REEP5: variants seen among roughly 807,000 people sequenced by gnomAD.
The protein encoded by REEP5 is receptor expression-enhancing protein 5.
REEP5 carries 24 observed loss-of-function variants against 22.4 expected under a neutral mutation model. The ratio of observed to expected loss-of-function variants is 1.07; its 90% CI spans 0.78 to 1.51. The LOEUF (loss-of-function observed/expected upper bound fraction) is 1.51, where lower values mean the gene tolerates loss of function less well. Ranked by LOEUF, REEP5 falls within the 40% of genes most tolerant of loss-of-function variation. The pLI, the probability that REEP5 is intolerant of heterozygous loss-of-function variation, is 0.00. For synonymous variants in REEP5, 103 were observed against 88.6 expected, an observed-to-expected ratio of 1.16 and a Z score of -0.92; for missense variants, 252 against 233.0, an observed-to-expected ratio of 1.08 and a Z score of -0.53.
intron 4 of REEP5, 41 bp downstream of exon 4, chr5:112,886,974 T>A: frequency 6.8e-7 from 1 of 1,461,788 alleles, no homozygotes; most frequent in East Asian, 2.3e-5. Flanking sequence ...GTGTGTCACA[T>A]CTCCTCTCAC....
chr5:112,900,956 C>T (rs1376647783), intron 3 of REEP5, among the ~76,000 whole-genome samples: 1 of 151,788 alleles, frequency 6.6e-6, no homozygotes, highest in Non-Finnish European at 1.5e-5. Context: ...TCCTGCCTCA[C>T]CTCCTGAGTA....
chr5:112,918,726 T>C (rs931287333), intron 2 of REEP5, among the ~76,000 whole-genome samples: 1 of 152,202 alleles, frequency 6.6e-6, no homozygotes, highest in African/African-American at 2.4e-5. Flanking sequence ...TGCACACTTC[T>C]ACCACTGACC....
At position 112,890,791 on chromosome 5, in the gene REEP5, A is replaced by G. The variant is rs2150038523; in HGVS notation, c.352-3608T>C. Among the ~76,000 whole-genome samples the G allele has an allele frequency of 1.3e-5, 2 of 150,942 alleles. 1 individual carries two copies. The highest frequency in any genetic ancestry group is 4.0e-4 in the East Asian group (2 of 4,984). On this transcript the variant is annotated intron_variant, in intron 3 of 4. Coordinates refer to ENST00000379638, the MANE Select transcript of REEP5 (RefSeq NM_005669.5). ...ATGGACTCAAAGAAACTAACTTCCA[A>G]TCCTGGTTCTGCCATTTACTAGCTA...
At chr5:112,895,493 G>GAT (rs1768654274) in intron 3 of REEP5, 1 of 92,352 alleles carries the variant, frequency 1.1e-5, no homozygotes, top group Non-Finnish European at 2.0e-5. Context: ...TTTTCTGGAT[G>GAT]AATTAAGTGT....
chr5:112,904,376 T>C (rs906459837), intron 2 of REEP5, among the ~76,000 whole-genome samples: 2 of 151,500 alleles, frequency 1.3e-5, no homozygotes, highest in African/African-American at 4.9e-5. Context: ...CCATATTTAA[T>C]TGGATTTATT....
intron 1 of REEP5, chr5:112,921,469 G>C (rs965204143): frequency 3.4e-6 from 2 of 590,806 alleles, no homozygotes; most frequent in Non-Finnish European, 6.0e-6. Context: ...CCACCATTGT[G>C]CCTCTCCTAC....
In REEP5 at chr5:112,887,035, G is replaced by A; in HGVS notation, c.500C>T (p.Ala167Val). 1 of 1,609,434 alleles carries A rather than the reference G, an allele frequency of 6.2e-7. No homozygotes were observed. The highest frequency in any genetic ancestry group is 2.2e-5 in the East Asian group (1 of 44,772). ...CTTACCTTCTTTAGTGATGGCATCTGCAGTCTCTTTGGCCTTGTCTTTAAG... is the reference window on the plus strand; with the variant it reads ...CTTACCTTCTTTAGTGATGGCATCTACAGTCTCTTTGGCCTTGTCTTTAAG... Reference protein sequence around the residue: ...KDLKDKAKETADAITKEAKKA... With the variant: ...KDLKDKAKETVDAITKEAKKA... The change falls in exon 4 of 5, where the codon GCA becomes GTA. Residue 167 changes from alanine to valine, a missense_variant. By Grantham distance (64) the Ala-to-Val change is moderately conservative. Transcript: ENST00000379638.
chr5:112,885,464 T>C (rs1768214773), intron 4 of REEP5: 1 of 195,832 alleles, frequency 5.1e-6, no homozygotes, highest in South Asian at 1.0e-4. Context: ...AAAGCCAAGA[T>C]AATTCCATCT....
rs369817896 is a variant in REEP5, at chr5:112,906,457, G to C, written c.213-3939C>G. Among the ~76,000 whole-genome samples the C allele has an allele frequency of 1.8e-4, 27 of 152,318 alleles. No homozygotes were observed. The East Asian group carries it at 4.8e-3, about 27-fold the overall frequency. On this transcript the variant is annotated intron_variant, in intron 2 of 4. Transcript: ENST00000379638. ...TATTGAATTACTATACATACAATAGGAGGTCACAATCTTACTTTTGGAGGG... is the reference window on the plus strand; with the variant it reads ...TATTGAATTACTATACATACAATAGCAGGTCACAATCTTACTTTTGGAGGG...
chr5:112,916,140 T>C (rs1194869468), intron 2 of REEP5, among the ~76,000 whole-genome samples: 3 of 152,238 alleles, frequency 2.0e-5, no homozygotes, highest in Non-Finnish European at 4.4e-5. Flanking sequence ...CTTTTTAACT[T>C]GTGTTCCCCA....
intron 2 of REEP5, 82 bp from the exon 3 acceptor site, chr5:112,902,600 T>A: frequency 7.5e-7 from 1 of 1,328,038 alleles, no homozygotes; most frequent in Non-Finnish European, 1.0e-6. Flanking sequence ...TAACCTGTCC[T>A]CTGATACCAC....
chr5:112,906,572 TACCCTCC>T (rs961337649), intron 2 of REEP5, among the ~76,000 whole-genome samples: 1 of 152,188 alleles, frequency 6.6e-6, no homozygotes, highest in Admixed American at 6.5e-5. Context: ...AGGTCCATTC[TACCCTCC>T]ACTCTACTCA....
chr5:112,902,651 C>G, intron 2 of REEP5, 133 bp from the exon 3 acceptor site: 1 of 699,864 alleles, frequency 1.4e-6, no homozygotes. Context: ...TCACTAGATG[C>G]AAGAGTACAG....
At chr5:112,917,839 A>T (rs569892503) in intron 2 of REEP5, among the ~76,000 whole-genome samples, 1 of 152,222 alleles carries the variant, frequency 6.6e-6, no homozygotes, top group Non-Finnish European at 1.5e-5. Context: ...AGTGGTTTCC[A>T]GGGGCTGGGT....
chr5:112,907,260 AC>A lies in REEP5; in HGVS notation c.213-4743del, dbSNP rs1289596415. ...TTTTACAGGCTCCTCTGTCTCTAGT[AC>A]CGCCTCATCCTCTGGCAGTCACACT... On this transcript the variant is annotated intron_variant, in intron 2 of 4. Coordinates refer to ENST00000379638, the MANE Select transcript of REEP5 (RefSeq NM_005669.5). Among the ~76,000 whole-genome samples the A allele has an allele frequency of 5.9e-5, 9 of 152,214 alleles. No individual in the cohort carries two copies. In the East Asian group the frequency reaches 1.7e-3, roughly 29 times the overall value.
rs997927564 is a variant in REEP5 at position 112,877,883 on chromosome 5, T to G, written c.*903A>C. On this transcript the variant is annotated 3_prime_UTR_variant, in exon 5 of 5. Transcript: ENST00000379638. ...CTTTGAAGATAAAACCAGAAATGGT[T>G]TCCATTGTAGCATCTTGACAATAGA... 1 of 152,220 alleles carries G rather than the reference T, an allele frequency of 6.6e-6. No homozygotes were observed. Among genetic ancestry groups the G allele is most frequent in the Non-Finnish European group, 1.5e-5 (1 of 68,036 alleles). 9.4% of individuals were successfully genotyped at this position (152,220 alleles called of 1,614,324 possible). A position where few individuals can be genotyped will look rare whatever the true frequency, so the allele number is the denominator to read the frequency against.
chr5:112,890,974 T>C (rs1768424232), intron 3 of REEP5, among the ~76,000 whole-genome samples: 1 of 150,928 alleles, frequency 6.6e-6, no homozygotes. Context: ...ATACTGTGTT[T>C]TCTAACAACA....
intron 3 of REEP5, chr5:112,892,869 G>T: frequency 6.2e-7 from 1 of 1,613,236 alleles, no homozygotes; most frequent in Non-Finnish European, 8.5e-7. Flanking sequence ...ATAGGGGGAA[G>T]AAATCTCACA....
In REEP5 at chr5:112,884,500, C is replaced by A. The variant is rs1014728882; in HGVS notation, c.520+2515G>T. Among the ~76,000 whole-genome samples, 6 of 151,140 alleles carry A rather than the reference C, an allele frequency of 4.0e-5. No individual in the cohort carries two copies. The East Asian group carries it at 9.7e-4, about 24-fold the overall frequency. ...CCAAGTGATCCTCCTGCCTCAGCCT[C>A]CTGAGTAGCTGGCACCACAGGCTTG... On this transcript the variant is annotated intron_variant, in intron 4 of 4. Coordinates refer to ENST00000379638, the MANE Select transcript of REEP5 (RefSeq NM_005669.5).
Sources: allele counts gnomAD v4.1 joint callset (sites outside exome capture counted in the v4.1 genomes callset), GRCh38; gene constraint gnomAD v4.1.1; transcripts MANE v1.5; gene names NCBI Gene and HGNC (gene_info 2026-07-23, HGNC 2026-07-21).